PCDHA4: variants seen among roughly 807,000 people sequenced by gnomAD.
The protein encoded by PCDHA4 is protocadherin alpha 4.
In PCDHA4, 49 loss-of-function variants were observed where a neutral mutation model predicts 61.4. The ratio of observed to expected loss-of-function variants is 0.80; its 90% CI spans 0.63 to 1.01. The LOEUF (loss-of-function observed/expected upper bound fraction) is 1.01. Among genes scored for constraint, PCDHA4 ranks in the 50% least tolerant of loss-of-function variants. The pLI is 0.00. For missense variants in PCDHA4, 1,254 were observed against 1,235.8 expected (o/e 1.01, Z -0.22); for synonymous variants, 590 against 550.3 (o/e 1.07, Z -1.01).
intron 1 of PCDHA4, among the ~76,000 whole-genome samples, chr5:140,976,160 T>A (rs1554237376): frequency 6.6e-6 from 1 of 152,196 alleles, no homozygotes; most frequent in Admixed American, 6.5e-5. Context: ...TTTTACTACT[T>A]TTAGTTTTGT....
intron 1 of PCDHA4, chr5:140,850,460 G>A (rs2150485288): frequency 1.3e-6 from 2 of 1,597,976 alleles, no homozygotes; most frequent in Non-Finnish European, 1.7e-6. Flanking sequence ...AAGACCACGG[G>A]GAGCCAGCGC....
rs74520967 is a variant in PCDHA4 at position 140,931,074 on chromosome 5, G to A, written c.2386-47875G>A. Among the ~76,000 whole-genome samples, 869 of 152,264 alleles carry A rather than the reference G, an allele frequency of 5.7e-3. 7 individuals are homozygous for A. The highest frequency in any genetic ancestry group is 0.018 in the African/African-American group (768 of 41,552). ...ATGCTGTGTCTGGGACTAAGTATGAGTCCAGTTCTACAGATGACAAAGGAA... is the reference window on the plus strand; with the variant it reads ...ATGCTGTGTCTGGGACTAAGTATGAATCCAGTTCTACAGATGACAAAGGAA... On this transcript the variant is annotated intron_variant, in intron 1 of 3. Coordinates refer to ENST00000530339, the MANE Select transcript of PCDHA4 (RefSeq NM_018907.4).
chr5:140,999,019 A>C (rs782524233), intron 3 of PCDHA4, among the ~76,000 whole-genome samples: 1 of 152,208 alleles, frequency 6.6e-6, no homozygotes, highest in Non-Finnish European at 1.5e-5. Context: ...TGAACCCAAG[A>C]CTTTTGATAC....
chr5:140,921,925 G>A (rs895157006), intron 1 of PCDHA4, among the ~76,000 whole-genome samples: 2 of 151,816 alleles, frequency 1.3e-5, no homozygotes, highest in African/African-American at 4.8e-5. Flanking sequence ...AAAACTTATA[G>A]TCAATATAAT....
At position 140,807,997 on chromosome 5, in the gene PCDHA4, C is replaced by T; in HGVS notation, c.810C>T (p.Asp270=). ...LVIKLNASDL[D]EGLNGDIVYS... ...TTAAACTTAACGCCTCAGATTTAGA[C>T]GAAGGATTGAATGGGGACATTGTTT... is the stretch of plus-strand genomic sequence containing the variant. The change falls in exon 1 of 4, where the codon GAC becomes GAT. Residue 270 remains aspartate, a synonymous_variant. Transcript: ENST00000530339. 1.9e-6 allele frequency: 3 copies of T among 1,613,450 alleles called. No individual in the cohort carries two copies. The highest frequency in any genetic ancestry group is 2.5e-6 in the Non-Finnish European group (3 of 1,179,448).
intron 1 of PCDHA4, chr5:140,809,922 T>G: frequency 5.8e-6 from 1 of 173,216 alleles, no homozygotes; most frequent in Non-Finnish European, 1.2e-5. Context: ...ATAATAAAGC[T>G]CCATAAATTG....
At chr5:140,862,549 C>T in intron 1 of PCDHA4, 3 of 457,652 alleles carry the variant, frequency 6.6e-6, no homozygotes, top group South Asian at 5.1e-5. Context: ...TGGAAGTGGC[C>T]GAACAGTGAA....
chr5:140,895,166 C>T (rs1319581978), intron 1 of PCDHA4, among the ~76,000 whole-genome samples: 1 of 152,138 alleles, frequency 6.6e-6, no homozygotes, highest in Non-Finnish European at 1.5e-5. Context: ...ACAATCCAAT[C>T]TATTTGTAGT....
chr5:140,882,374 C>G, intron 1 of PCDHA4: 1 of 1,614,186 alleles, frequency 6.2e-7, no homozygotes, highest in Non-Finnish European at 8.5e-7. Context: ...CTACTCCGTC[C>G]CCGAGGAAGC....
intron 1 of PCDHA4, among the ~76,000 whole-genome samples, chr5:140,950,960 A>G (rs2094536305): frequency 6.6e-6 from 1 of 151,564 alleles, no homozygotes. Flanking sequence ...CTATTGATCT[A>G]TTTTCAGATT....
At chr5:140,966,679 G>A (rs1554228549) in intron 1 of PCDHA4, 1 of 1,317,562 alleles carries the variant, frequency 7.6e-7, no homozygotes, top group Non-Finnish European at 9.8e-7. Flanking sequence ...AGGGTGGCAC[G>A]AGCGGAGGCG....
chr5:140,968,935 C>T, intron 1 of PCDHA4: 1 of 1,614,172 alleles, frequency 6.2e-7, no homozygotes, highest in Non-Finnish European at 8.5e-7. Context: ...TTTTGACAAT[C>T]ATCATTTTGA....
At chr5:140,876,418 T>G in intron 1 of PCDHA4, 1 of 1,613,982 alleles carries the variant, frequency 6.2e-7, no homozygotes, top group African/African-American at 1.3e-5. Context: ...GAATAATGCC[T>G]ATGAAATTCA....
At chr5:140,959,754 T>C (rs1265254392) in intron 1 of PCDHA4, among the ~76,000 whole-genome samples, 1 of 152,222 alleles carries the variant, frequency 6.6e-6, no homozygotes, top group East Asian at 1.9e-4. Flanking sequence ...TAAAGTATAT[T>C]TTAATATTCA....
intron 1 of PCDHA4, chr5:140,871,248 G>C (rs782440984): frequency 7.2e-5 from 117 of 1,613,852 alleles, no homozygotes; most frequent in Non-Finnish European, 9.5e-5. Context: ...TCACGCTGCT[G>C]CTGTATACGG....
At chr5:140,985,203 T>C (rs1274620928) in intron 3 of PCDHA4, among the ~76,000 whole-genome samples, 1 of 152,092 alleles carries the variant, frequency 6.6e-6, no homozygotes, top group Non-Finnish European at 1.5e-5. Flanking sequence ...TCCCAAAGTG[T>C]TGGGATTACA....
Position 140,841,227 on chromosome 5 carries a change from G to C in PCDHA4, c.2385+31655G>C, listed in dbSNP as rs1468435006. The C allele has an allele frequency of 2.1e-6, 3 of 1,454,606 alleles. No homozygotes were observed. The African/African-American group carries it at 4.3e-5, about 21-fold the overall frequency. The allele number at this position is 1,454,606 out of a possible 1,614,324, so 90.1% of individuals were successfully genotyped here. On this transcript the variant is annotated intron_variant, in intron 1 of 3. Transcript: ENST00000530339. The stretch of plus-strand genomic sequence containing the variant: ...ATCTGTCTCTAAAGGCCGAACAACG[G>C]GAGATGCAGCGGAATTGGATTAAAA...
intron 1 of PCDHA4, among the ~76,000 whole-genome samples, chr5:140,933,742 A>G (rs1242551337): frequency 6.6e-6 from 1 of 152,068 alleles, no homozygotes; most frequent in Non-Finnish European, 1.5e-5. Context: ...AATATTTGGT[A>G]GAATTCACTA....
chr5:141,009,062 A>G (rs1466818539), intron 3 of PCDHA4, among the ~76,000 whole-genome samples: 1 of 152,240 alleles, frequency 6.6e-6, no homozygotes, highest in East Asian at 1.9e-4. Context: ...TCACAACTGT[A>G]TTCTTTAGGA....
Sources: allele counts gnomAD v4.1 joint callset (sites outside exome capture counted in the v4.1 genomes callset), GRCh38; gene constraint gnomAD v4.1.1; transcripts MANE v1.5; gene names NCBI Gene and HGNC (gene_info 2026-07-23, HGNC 2026-07-21).